Variants in TMC7 observed in about 807,000 individuals in gnomAD.
The protein encoded by TMC7 is transmembrane channel like 7.
TMC7 carries 54 observed loss-of-function variants against 82.9 expected under a neutral mutation model. The observed-to-expected ratio is 0.65, with a 90% CI of 0.52 to 0.82. The LOEUF (loss-of-function observed/expected upper bound fraction) is 0.82. Ranked by LOEUF, TMC7 falls within the 40% of genes least tolerant of loss-of-function variation. TMC7 has a pLI of 0.00. For missense variants in TMC7, 820 were observed against 901.2 expected (o/e 0.91, Z 1.15); for synonymous variants, 350 against 337.9 (o/e 1.04, Z -0.39).
At chr16:18,996,229 T>TGAGTCTGTAGAAAAGAAGGATTCA (rs2039041999) in intron 1 of TMC7, among the ~76,000 whole-genome samples, 1 of 151,974 alleles carries the variant, frequency 6.6e-6, no homozygotes, top group Non-Finnish European at 1.5e-5. Flanking sequence ...AGAGGTCAGA[T>TGAGTCTGTAGAAAAGAAGGATTCA]GAGTCTGTAG....
chr16:19,063,686 G>GTGTA lies in TMC7; in HGVS notation c.*1846_*1847insATGT, dbSNP rs1555521070. 6.6e-6 allele frequency: 1 copy of GTGTA among 151,788 alleles called. No homozygotes were observed. Among genetic ancestry groups the GTGTA allele is most frequent in the Non-Finnish European group, 1.5e-5 (1 of 67,978 alleles). 9.4% of individuals were successfully genotyped at this position (151,788 alleles called of 1,614,324 possible). On this transcript the variant is annotated 3_prime_UTR_variant, in exon 16 of 16. Coordinates refer to ENST00000304381, the MANE Select transcript of TMC7 (RefSeq NM_024847.4). ...AAGTTTTCTATTTGTGTGTGTGTGT[G>GTGTA]TGTGTGTGTGTGATGAACACAACGA...
intron 4 of TMC7, among the ~76,000 whole-genome samples, chr16:19,022,573 C>CT (rs1275648020): frequency 6.6e-6 from 1 of 152,186 alleles, no homozygotes; most frequent in African/African-American, 2.4e-5. Flanking sequence ...TAGGCCATAC[C>CT]ATACAGCCTA....
At chr16:19,031,141 C>A (rs575799255) in intron 6 of TMC7, among the ~76,000 whole-genome samples, 115 of 152,258 alleles carry the variant, frequency 7.6e-4, no homozygotes, top group African/African-American at 2.7e-3. Flanking sequence ...GTAGTGGTGC[C>A]TTTCTTAAAT....
At position 19,056,585 on chromosome 16, in the gene TMC7, A is replaced by T; in HGVS notation, c.1915A>T (p.Thr639Ser). The T allele has an allele frequency of 6.2e-7, 1 of 1,613,836 alleles. No homozygotes were observed. The highest frequency in any genetic ancestry group is 1.3e-5 in the African/African-American group (1 of 74,934). The change falls in exon 14 of 16, where the codon ACC becomes TCC. Residue 639 changes from threonine (T) to serine (S), a missense_variant. Transcript: ENST00000304381. Reference sequence around the variant, plus strand: ...CTGTGGGCCGTTCACCAACTTCAACACCACCTGGGAGGTCATCCCCAAGAC... The same window carrying T: ...CTGTGGGCCGTTCACCAACTTCAACTCCACCTGGGAGGTCATCCCCAAGAC... ...KACGPFTNFN[T>S]TWEVIPKTVS... is the part of the protein sequence containing the mutation.
At chr16:19,035,896 G>C in intron 7 of TMC7, 73 bp downstream of exon 7, 2 of 1,496,624 alleles carry the variant, frequency 1.3e-6, no homozygotes, top group Non-Finnish European at 1.8e-6. Flanking sequence ...TGAGTTTTCA[G>C]CTTGCAGAGG....
chr16:19,050,886 C>T (rs2142301524), intron 12 of TMC7, among the ~76,000 whole-genome samples: 1 of 152,106 alleles, frequency 6.6e-6, no homozygotes, highest in East Asian at 1.9e-4. Flanking sequence ...TCCTGCTCCC[C>T]ACCTTCACTT....
intron 2 of TMC7, among the ~76,000 whole-genome samples, chr16:19,010,595 A>T (rs1168558952): frequency 6.6e-6 from 1 of 152,224 alleles, no homozygotes; most frequent in Non-Finnish European, 1.5e-5. Context: ...AGCAGTACAA[A>T]AAGAAAGAGT....
In TMC7 at chr16:19,051,774, G is replaced by A. The variant is rs1281506834; in HGVS notation, c.1829G>A (p.Gly610Glu). 1.9e-6 allele frequency: 3 copies of A among 1,614,074 alleles called. No homozygotes were observed. The highest frequency in any genetic ancestry group is 1.1e-5 in the South Asian group (1 of 91,072). ...NFFFLLVLLIGLCLAIIPLTI... is the reference protein window; with the variant it reads ...NFFFLLVLLIELCLAIIPLTI... ...TTCTTCCTGTTGGTGTTGTTGATCG[G>A]GCTGTGTTTGGCAATAATACCTCTG... The change falls in exon 13 of 16, where the codon GGG (glycine) becomes GAG (glutamate). Residue 610 changes from glycine (G) to glutamate (E), a missense_variant. Coordinates refer to ENST00000304381, the MANE Select transcript of TMC7 (RefSeq NM_024847.4).
intron 1 of TMC7, among the ~76,000 whole-genome samples, chr16:19,005,687 A>G (rs2039227321): frequency 6.6e-6 from 1 of 152,150 alleles, no homozygotes; most frequent in African/African-American, 2.4e-5. Flanking sequence ...TCTATATTCA[A>G]AGACCTTTGT....
rs1596703383 is a variant in TMC7, at chr16:18,983,941, C to T, written c.-123C>T. On this transcript the variant is annotated 5_prime_UTR_variant, in exon 1 of 16. Transcript: ENST00000304381. ...TCCTCGCGGGGGCGCCCCACTCCGG[C>T]TTCTGTGATGTCAGCGCCGGAACCT... 5.4e-6 allele frequency: 6 copies of T among 1,101,762 alleles called. No homozygotes were observed. The East Asian group carries it at 2.0e-4, about 36-fold the overall frequency. 68.2% of individuals were successfully genotyped at this position (1,101,762 alleles called of 1,614,324 possible). A position where few individuals can be genotyped will look rare whatever the true frequency, so the allele number is the denominator to read the frequency against.
chr16:18,986,151 T>C (rs868349617), intron 1 of TMC7, among the ~76,000 whole-genome samples: 5 of 151,950 alleles, frequency 3.3e-5, no homozygotes, highest in Non-Finnish European at 5.9e-5. Flanking sequence ...ATCCCAGCAC[T>C]TTGGGAGGCC....
intron 1 of TMC7, among the ~76,000 whole-genome samples, chr16:18,997,872 G>C (rs1307491240): frequency 6.6e-6 from 1 of 151,880 alleles, no homozygotes; most frequent in African/African-American, 2.4e-5. Flanking sequence ...TGGGACTACA[G>C]GCACCCACCA....
chr16:18,984,207 G>A (rs1257749817), intron 1 of TMC7, 77 bp downstream of exon 1: 6 of 1,393,228 alleles, frequency 4.3e-6, no homozygotes, highest in Non-Finnish European at 5.5e-6. Flanking sequence ...GGTGCTGGAG[G>A]CTCGGCCTGG....
rs576069458 is a variant in TMC7, at chr16:19,027,569, G to A, written c.712-2655G>A. Among the ~76,000 whole-genome samples, 22 of 152,208 alleles carry A rather than the reference G, an allele frequency of 1.4e-4. No homozygotes were observed. In the East Asian group the frequency reaches 3.9e-3, roughly 27 times the overall value. ...CAGAAAATATTTTCCAGGCCCAGCC[G>A]ACCTTTCCCCTGTAATTGTTACATT... On this transcript the variant is annotated intron_variant, in intron 5 of 15. Coordinates refer to ENST00000304381, the MANE Select transcript of TMC7 (RefSeq NM_024847.4).
At chr16:19,005,389 G>A (rs12932258) in intron 1 of TMC7, among the ~76,000 whole-genome samples, 24,131 of 152,154 alleles carry the variant, frequency 0.16, 2,067 homozygotes, top group Admixed American at 0.19. Flanking sequence ...CGCCTGGCCC[G>A]CATGTTAAAT....
chr16:19,044,848 C>T, intron 9 of TMC7, 36 bp from the exon 10 acceptor site: 1 of 1,539,586 alleles, frequency 6.5e-7, no homozygotes, highest in Non-Finnish European at 9.0e-7. Flanking sequence ...CCCTGAGGGC[C>T]TCATCTTCCC....
At chr16:19,039,389 C>G (rs577998914) in intron 8 of TMC7, among the ~76,000 whole-genome samples, 22 of 152,226 alleles carry the variant, frequency 1.4e-4, no homozygotes, top group African/African-American at 4.1e-4. Flanking sequence ...CCACACCTGG[C>G]TGGGTATGGT....
rs74790534 is a variant in TMC7, at chr16:19,045,446, C to A, written c.1553+8C>A. 134 of 1,595,992 alleles carry A rather than the reference C, an allele frequency of 8.4e-5. No homozygotes were observed. The East Asian group carries it at 2.3e-3, about 28-fold the overall frequency. ...CGTGGATTTTCCTAGAAAGTAAGTGCGAGGGGTGCCCATATTATCCCCCCC... is the reference window on the plus strand; with the variant it reads ...CGTGGATTTTCCTAGAAAGTAAGTGAGAGGGGTGCCCATATTATCCCCCCC... On this transcript the variant is annotated splice_region_variant and intron_variant, in intron 11 of 15. Coordinates refer to ENST00000304381, the MANE Select transcript of TMC7 (RefSeq NM_024847.4).
intron 13 of TMC7, 98 bp from the exon 14 acceptor site, chr16:19,056,444 G>C: frequency 7.0e-7 from 1 of 1,437,570 alleles, no homozygotes; most frequent in African/African-American, 1.4e-5. Flanking sequence ...GTGGCTCCCT[G>C]TAGGCCATTG....
Sources: allele counts gnomAD v4.1 joint callset (sites outside exome capture counted in the v4.1 genomes callset), GRCh38; gene constraint gnomAD v4.1.1; transcripts MANE v1.5; gene names NCBI Gene and HGNC (gene_info 2026-07-23, HGNC 2026-07-21).